The following TMPRSS15 variants were observed in gnomAD, a reference collection of about 807,000 sequenced individuals.
TMPRSS15 encodes the protein enteropeptidase.
In TMPRSS15, 128 loss-of-function variants were observed where a neutral mutation model predicts 125.3. The observed-to-expected ratio is 1.02, with a 90% CI of 0.89 to 1.18. TMPRSS15 has a LOEUF of 1.18. TMPRSS15 is among the 50% of genes most tolerant of loss of function. TMPRSS15 has a pLI of 0.00. For missense variants in TMPRSS15, 1,283 were observed against 1,212.7 expected, an observed-to-expected ratio of 1.06 and a Z score of -0.86; for synonymous variants, 446 against 423.2, an observed-to-expected ratio of 1.05 and a Z score of -0.66.
At chr21:18,283,865 T>C (rs906204276) in intron 21 of TMPRSS15, among the ~76,000 whole-genome samples, 4 of 152,186 alleles carry the variant, frequency 2.6e-5, no homozygotes, top group Admixed American at 1.3e-4. Context: ...ACATAATCAC[T>C]GATATGAGAG....
chr21:18,336,457 A>G (rs1215540408), intron 13 of TMPRSS15, among the ~76,000 whole-genome samples: 1 of 152,228 alleles, frequency 6.6e-6, no homozygotes, highest in Non-Finnish European at 1.5e-5. Flanking sequence ...GTTGTAATTT[A>G]AAGTAAAATG....
In TMPRSS15 at chr21:18,282,600, A is replaced by G. The variant is rs570202213; in HGVS notation, c.2487-1379T>C. On this transcript the variant is annotated intron_variant, in intron 21 of 24. Transcript: ENST00000284885. ...AAAGCCAGTGAGCGTCCAAGCATTC[A>G]GTAAAGCATCCACTGACAACCACAT... Among the ~76,000 whole-genome samples the G allele has an allele frequency of 7.9e-5, 12 of 152,346 alleles. No homozygotes were observed. The South Asian group carries it at 2.5e-3, about 32-fold the overall frequency.
intron 1 of TMPRSS15, among the ~76,000 whole-genome samples, chr21:18,441,737 C>T (rs1376287149): frequency 6.7e-6 from 1 of 150,252 alleles, no homozygotes; most frequent in African/African-American, 2.5e-5. Context: ...GTTGCCCAGA[C>T]TGGAGTGCAG....
intron 24 of TMPRSS15, among the ~76,000 whole-genome samples, chr21:18,271,010 G>C (rs550181974): frequency 6.6e-6 from 1 of 152,240 alleles, no homozygotes; most frequent in Admixed American, 6.5e-5. Flanking sequence ...TATCCTGAGA[G>C]ACTTTTTGTC....
intron 17 of TMPRSS15, among the ~76,000 whole-genome samples, chr21:18,314,430 C>T (rs1569001351): frequency 6.6e-6 from 1 of 152,132 alleles, no homozygotes; most frequent in African/African-American, 2.4e-5. Context: ...AGGCACCCAC[C>T]ACCACGCCTG....
intron 1 of TMPRSS15, among the ~76,000 whole-genome samples, chr21:18,483,705 A>G (rs1047251872): frequency 1.3e-5 from 2 of 151,934 alleles, no homozygotes; most frequent in African/African-American, 4.8e-5. Flanking sequence ...TTGTGTGATA[A>G]TTGACAACTC....
rs151039683 is a variant in TMPRSS15 at position 18,365,500 on chromosome 21, C to T, written c.665-252G>A. Among the ~76,000 whole-genome samples the T allele has an allele frequency of 7.3e-3, 1,096 of 150,210 alleles. 8 individuals are homozygous for T. The highest frequency in any genetic ancestry group is 0.018 in the Middle Eastern group (5 of 280). On this transcript the variant is annotated intron_variant, in intron 6 of 24. Coordinates refer to ENST00000284885, the MANE Select transcript of TMPRSS15 (RefSeq NM_002772.3). ...TCTCTTTCTTTCTCCTTCCTTTTCCCTTGCTTCCTTCCTTCCTTCCCTCCC... is the reference window on the plus strand; with the variant it reads ...TCTCTTTCTTTCTCCTTCCTTTTCCTTTGCTTCCTTCCTTCCTTCCCTCCC...
At chr21:18,427,200 T>A (rs962701503) in intron 1 of TMPRSS15, among the ~76,000 whole-genome samples, 3 of 152,238 alleles carry the variant, frequency 2.0e-5, no homozygotes, top group Non-Finnish European at 2.9e-5. Flanking sequence ...CATTTGTGTC[T>A]GTCTGAAGCA....
rs533271314 is a variant in TMPRSS15 at position 18,315,175 on chromosome 21, C to T, written c.2003G>A (p.Cys668Tyr). 29 of 1,613,788 alleles carry T rather than the reference C, an allele frequency of 1.8e-5. 1 individual carries two copies. The South Asian group carries it at 3.0e-4, about 16-fold the overall frequency. ...ATCTGCTTCATCTGAGCCATCCTCA[C>T]AGTGCAGATGACCGTCACAGAGATT... is the stretch of plus-strand genomic sequence containing the variant. ...LVNLCDGHLH[C>Y]EDGSDEADCV... Residue 668 changes from cysteine to tyrosine, a missense_variant, in exon 17 of 25, where the codon TGT (cysteine) becomes TAT (tyrosine). Physicochemically the swap from Cys to Tyr is radical, Grantham distance 194. Coordinates refer to ENST00000284885, the MANE Select transcript of TMPRSS15 (RefSeq NM_002772.3).
intron 24 of TMPRSS15, among the ~76,000 whole-genome samples, chr21:18,270,476 T>G (rs1257925912): frequency 6.6e-6 from 1 of 152,176 alleles, no homozygotes; most frequent in East Asian, 1.9e-4. Context: ...ATCACTTTAT[T>G]TAAGGAGATC....
chr21:18,440,372 C>CAAAAGAAAAAAA (rs2076238498), intron 1 of TMPRSS15, among the ~76,000 whole-genome samples: 1 of 47,428 alleles, frequency 2.1e-5, no homozygotes, highest in Non-Finnish European at 3.7e-5. Context: ...AACTCCGTCT[C>CAAAAGAAAAAAA]AAAAAAAAAA....
At chr21:18,431,542 T>C (rs1184362154) in intron 1 of TMPRSS15, among the ~76,000 whole-genome samples, 1 of 152,164 alleles carries the variant, frequency 6.6e-6, no homozygotes, top group Non-Finnish European at 1.5e-5. Flanking sequence ...AACAATAGCT[T>C]GTATGGCAAT....
intron 10 of TMPRSS15, among the ~76,000 whole-genome samples, chr21:18,344,997 T>A (rs2075490024): frequency 6.6e-6 from 1 of 152,126 alleles, no homozygotes; most frequent in Admixed American, 6.5e-5. Context: ...AACTTTAAAC[T>A]CATTCATTTA....
chr21:18,316,982 G>A (rs1356161382), intron 16 of TMPRSS15, among the ~76,000 whole-genome samples: 7 of 152,098 alleles, frequency 4.6e-5, no homozygotes, highest in Non-Finnish European at 2.9e-5. Context: ...TACATGGCAC[G>A]TGAACAATCA....
At chr21:18,345,932 G>A (rs1204789794) in intron 10 of TMPRSS15, among the ~76,000 whole-genome samples, 4 of 151,478 alleles carry the variant, frequency 2.6e-5, no homozygotes, top group Non-Finnish European at 5.9e-5. Flanking sequence ...CACTTAGTAA[G>A]CAGTGATATA....
At chr21:18,308,719 C>T (rs1433434543) in intron 18 of TMPRSS15, among the ~76,000 whole-genome samples, 1 of 151,766 alleles carries the variant, frequency 6.6e-6, no homozygotes, top group Admixed American at 6.6e-5. Context: ...TTAGATATTT[C>T]TCCTAATGCT....
chr21:18,353,912 T>A, intron 8 of TMPRSS15, 49 bp from the exon 9 acceptor site: 1 of 1,553,396 alleles, frequency 6.4e-7, no homozygotes, highest in Non-Finnish European at 8.9e-7. Context: ...TATCTGTTCA[T>A]CTCTCTATCC....
At chr21:18,447,342 A>C (rs1445525652) in intron 1 of TMPRSS15, among the ~76,000 whole-genome samples, 1 of 149,802 alleles carries the variant, frequency 6.7e-6, no homozygotes, top group Non-Finnish European at 1.5e-5. Flanking sequence ...TGGGAGGCTG[A>C]GACAGGAGAA....
At chr21:18,310,818 A>G (rs1425230067) in intron 18 of TMPRSS15, among the ~76,000 whole-genome samples, 2 of 152,096 alleles carry the variant, frequency 1.3e-5, no homozygotes, top group African/African-American at 4.8e-5. Context: ...AAAATATTCT[A>G]CAAAATTATA....
Sources: allele counts gnomAD v4.1 joint callset (sites outside exome capture counted in the v4.1 genomes callset), GRCh38; gene constraint gnomAD v4.1.1; transcripts MANE v1.5; gene names NCBI Gene and HGNC (gene_info 2026-07-23, HGNC 2026-07-21).